The following TRPV4 variants were observed in gnomAD, a reference collection of about 807,000 sequenced individuals.
The protein encoded by TRPV4 is transient receptor potential cation channel subfamily V member 4, also known as OSM9-like transient receptor potential channel 4.
Under a neutral mutation model 84.1 loss-of-function variants are expected in TRPV4, and 58 were observed. The ratio of observed to expected loss-of-function variants is 0.69; its 90% CI spans 0.56 to 0.86. TRPV4 has a LOEUF of 0.86. Among genes scored for constraint, TRPV4 ranks in the 40% least tolerant of loss-of-function variants. The pLI, the probability that TRPV4 is intolerant of heterozygous loss-of-function variation, is 0.00. For synonymous variants in TRPV4, 489 were observed against 500.9 expected (o/e 0.98, Z 0.32); for missense variants, 879 against 1,181.1 (o/e 0.74, Z 3.75).
At chr12:109,785,610 G>C (rs1158101015) in intron 14 of TRPV4, among the ~76,000 whole-genome samples, 1 of 151,812 alleles carries the variant, frequency 6.6e-6, no homozygotes, top group Non-Finnish European at 1.5e-5. Context: ...GTGGAGACAG[G>C]GTTTCACCAT....
intron 2 of TRPV4, 129 bp from the exon 3 acceptor site, chr12:109,808,597 G>A: frequency 1.2e-6 from 1 of 815,572 alleles, no homozygotes; most frequent in Non-Finnish European, 1.9e-6. Flanking sequence ...ACAGGGTGAG[G>A]TAGTTGGGGC....
intron 1 of TRPV4, among the ~76,000 whole-genome samples, chr12:109,818,988 A>AC (rs1469152049): frequency 6.6e-6 from 1 of 151,838 alleles, no homozygotes; most frequent in East Asian, 1.9e-4. Context: ...TTTGAAGAAA[A>AC]CCTCTAGACT....
rs764622721 is a variant in TRPV4 at position 109,783,766 on chromosome 12, G to A, written c.2471C>T (p.Ser824Leu). The change falls in exon 16 of 16, where the codon TCG becomes TTG. Residue 824 changes from serine (S) to leucine (L), a missense_variant. Coordinates refer to ENST00000261740, the MANE Select transcript of TRPV4 (RefSeq NM_021625.5). This position sits in a 1 kb window ranked among gnomAD's most constrained non-coding sequence, Gnocchi z 4.6. ...VGRLRRDRWS[S>L]VVPRVVELNK... ...CAGTTCCACCACGCGGGGTACCACC[G>A]AGGACCAGCGATCTGCACCGAGAGC... is the stretch of plus-strand genomic sequence containing the variant. 11 of 1,612,488 alleles carry A rather than the reference G, an allele frequency of 6.8e-6. No individual in the cohort carries two copies. Among genetic ancestry groups the A allele is most frequent in the Non-Finnish European group, 8.5e-6 (10 of 1,179,954 alleles).
chr12:109,830,043 C>T (rs1312458848), intron 1 of TRPV4, among the ~76,000 whole-genome samples: 5 of 152,152 alleles, frequency 3.3e-5, no homozygotes, highest in Admixed American at 1.3e-4. Flanking sequence ...CTCAAACTCA[C>T]GGGCTCGACC....
intron 1 of TRPV4, among the ~76,000 whole-genome samples, chr12:109,819,769 C>A (rs896295157): frequency 6.6e-6 from 1 of 152,164 alleles, no homozygotes; most frequent in African/African-American, 2.4e-5. Flanking sequence ...CACATGTTGG[C>A]CAGGCTGGTC....
At chr12:109,816,701 C>T (rs1294322946) in intron 1 of TRPV4, among the ~76,000 whole-genome samples, 1 of 152,052 alleles carries the variant, frequency 6.6e-6, no homozygotes, top group Non-Finnish European at 1.5e-5. Context: ...TCACTTGAAC[C>T]CAGGAGGCAG....
At chr12:109,800,523 G>T (rs553917072) in intron 5 of TRPV4, 95 bp downstream of exon 5, 5 of 1,504,136 alleles carry the variant, frequency 3.3e-6, no homozygotes, top group Non-Finnish European at 3.6e-6. Flanking sequence ...TGGGTGTCTG[G>T]GTGATGGTCA....
At chr12:109,808,497 G>A (rs764638106) in intron 2 of TRPV4, 29 bp from the exon 3 acceptor site, 1 of 1,601,490 alleles carries the variant, frequency 6.2e-7, no homozygotes, top group African/African-American at 1.3e-5. Context: ...CAAGTTGATG[G>A]GAGGGCTCAT....
At chr12:109,809,455 T>C (rs111173945) in intron 2 of TRPV4, among the ~76,000 whole-genome samples, 8,584 of 142,796 alleles carry the variant, frequency 0.06, 404 homozygotes, top group African/African-American at 0.13. Context: ...CACTCATCCA[T>C]CCATCCATCC....
At chr12:109,819,927 A>G (rs564349775) in intron 1 of TRPV4, among the ~76,000 whole-genome samples, 1 of 152,076 alleles carries the variant, frequency 6.6e-6, no homozygotes, top group African/African-American at 2.4e-5. Flanking sequence ...TTATATTCAA[A>G]CTCTTCTTTA....
At chr12:109,795,761 A>G (rs537464249) in intron 7 of TRPV4, among the ~76,000 whole-genome samples, 16 of 152,054 alleles carry the variant, frequency 1.1e-4, no homozygotes, top group African/African-American at 2.4e-4. Context: ...TTGTTTGTTT[A>G]TTTTGAGACA....
At chr12:109,789,825 C>T (rs1399645061) in intron 12 of TRPV4, among the ~76,000 whole-genome samples, 8 of 152,350 alleles carry the variant, frequency 5.3e-5, no homozygotes, top group African/African-American at 1.4e-4. Context: ...TCTGGACTCA[C>T]CGGAAAAACT....
chr12:109,827,022 GATGAATGA>G (rs368514736), intron 1 of TRPV4, among the ~76,000 whole-genome samples: 1 of 152,138 alleles, frequency 6.6e-6, no homozygotes, highest in Non-Finnish European at 1.5e-5. Flanking sequence ...GTATTTGCTG[GATGAATGA>G]ATGAATGAAT....
At chr12:109,792,310 G>T in intron 12 of TRPV4, 53 bp downstream of exon 12, 1 of 1,302,348 alleles carries the variant, frequency 7.7e-7, no homozygotes, top group Non-Finnish European at 1.1e-6. Context: ...CATGGCTACT[G>T]TTCCCGTCCT....
rs1206960290 is a variant in TRPV4 at position 109,793,782 on chromosome 12, G to A, written c.1584+148C>T. 12 of 821,162 alleles carry A rather than the reference G, an allele frequency of 1.5e-5. No individual in the cohort carries two copies. The highest frequency in any genetic ancestry group is 2.3e-5 in the Non-Finnish European group (11 of 485,456). The allele number at this position is 821,162 out of a possible 1,614,324, so 50.9% of individuals were successfully genotyped here. On this transcript the variant is annotated intron_variant, in intron 9 of 15. Coordinates refer to ENST00000261740, the MANE Select transcript of TRPV4 (RefSeq NM_021625.5). The surrounding 1 kb of genome is among the most constrained non-coding windows in gnomAD (Gnocchi z 4.0). Reference sequence around the variant, plus strand: ...AGATGGAGAACGTGGGATTGGAGGAGGTAGAAGAGAAATGGGAAAATAAAA... The same window carrying A: ...AGATGGAGAACGTGGGATTGGAGGAAGTAGAAGAGAAATGGGAAAATAAAA...
chr12:109,797,896 T>C (rs1443643733), intron 6 of TRPV4, among the ~76,000 whole-genome samples: 1 of 152,122 alleles, frequency 6.6e-6, no homozygotes, highest in African/African-American at 2.4e-5. Flanking sequence ...GACACTCTTA[T>C]ATCCCCATTT....
At chr12:109,816,435 A>C (rs191183290) in intron 1 of TRPV4, among the ~76,000 whole-genome samples, 32 of 152,258 alleles carry the variant, frequency 2.1e-4, no homozygotes, top group African/African-American at 7.2e-4. Context: ...ATAGGGTTGC[A>C]GGCAGTGGGA....
At chr12:109,807,530 GC>G (rs1891226326) in intron 3 of TRPV4, among the ~76,000 whole-genome samples, 1 of 151,832 alleles carries the variant, frequency 6.6e-6, no homozygotes, top group African/African-American at 2.4e-5. Context: ...ACAGGTGTGA[GC>G]CACCATGCCC....
At chr12:109,806,582 C>T (rs1891145799) in intron 3 of TRPV4, among the ~76,000 whole-genome samples, 1 of 151,320 alleles carries the variant, frequency 6.6e-6, no homozygotes, top group Admixed American at 6.6e-5. Context: ...AGGCCAGCCT[C>T]AGTGGCTCAT....
Sources: allele counts gnomAD v4.1 joint callset (sites outside exome capture counted in the v4.1 genomes callset), GRCh38; gene constraint gnomAD v4.1.1; non-coding constraint Gnocchi (gnomAD v3.1); transcripts MANE v1.5; gene names NCBI Gene and HGNC (gene_info 2026-07-23, HGNC 2026-07-21).